Variants in FRMD4B observed in about 807,000 individuals in gnomAD.
FRMD4B encodes the protein FERM domain containing 4B.
In FRMD4B, 74 loss-of-function variants were observed where a neutral mutation model predicts 141.5. The observed-to-expected ratio is 0.52, with a 90% CI of 0.43 to 0.63. The LOEUF (loss-of-function observed/expected upper bound fraction) is 0.63, where lower values mean the gene tolerates loss of function less well. FRMD4B is among the 30% of genes least tolerant of loss of function. The pLI, the probability that FRMD4B is intolerant of heterozygous loss-of-function variation, is 0.00. For synonymous variants in FRMD4B, 506 were observed against 467.9 expected, an observed-to-expected ratio of 1.08 and a Z score of -1.05; for missense variants, 1,366 against 1,253.4, an observed-to-expected ratio of 1.09 and a Z score of -1.36.
chr3:69,314,029 C>G (rs539569454), intron 1 of FRMD4B, among the ~76,000 whole-genome samples: 1 of 144,720 alleles, frequency 6.9e-6, no homozygotes, highest in Non-Finnish European at 1.5e-5. Context: ...GTCCCAGCTA[C>G]TCGGGAGGCT....
chr3:69,351,885 A>T (rs1021306901), intron 1 of FRMD4B, among the ~76,000 whole-genome samples: 3 of 152,174 alleles, frequency 2.0e-5, no homozygotes, highest in African/African-American at 7.2e-5. Context: ...CCATGGCATA[A>T]ATATATCTAA....
intron 1 of FRMD4B, among the ~76,000 whole-genome samples, chr3:69,350,732 C>A: frequency 6.6e-6 from 1 of 151,122 alleles, no homozygotes; most frequent in East Asian, 2.0e-4. Context: ...GGACAAATAA[C>A]CAAACACTGC....
At chr3:69,442,568 TAA>T (rs1705358155) in intron 1 of FRMD4B, among the ~76,000 whole-genome samples, 1 of 151,946 alleles carries the variant, frequency 6.6e-6, no homozygotes, top group South Asian at 2.1e-4. Flanking sequence ...GAAATACTCA[TAA>T]GTGAGTATTT....
intron 1 of FRMD4B, among the ~76,000 whole-genome samples, chr3:69,347,696 C>A (rs1191060588): frequency 4.6e-5 from 7 of 152,188 alleles, no homozygotes; most frequent in Admixed American, 3.3e-4. Flanking sequence ...AACCGCTCAA[C>A]TATATGGAAA....
intron 1 of FRMD4B, among the ~76,000 whole-genome samples, chr3:69,338,630 A>C (rs1310231915): frequency 6.6e-6 from 1 of 152,200 alleles, no homozygotes; most frequent in Non-Finnish European, 1.5e-5. Context: ...GGAGCTAAAC[A>C]TTGAGTACAC....
chr3:69,411,277 C>CA (rs1246962409), intron 2 of FRMD4B, among the ~76,000 whole-genome samples: 1 of 152,174 alleles, frequency 6.6e-6, no homozygotes, highest in Admixed American at 6.5e-5. Context: ...TGTTGTTTCT[C>CA]AAAATTGAAG....
intron 5 of FRMD4B, among the ~76,000 whole-genome samples, chr3:69,266,252 C>T (rs1453563190): frequency 6.6e-6 from 1 of 151,834 alleles, no homozygotes; most frequent in Non-Finnish European, 1.5e-5. Flanking sequence ...CATAAGAACA[C>T]AGGATGTGAC....
At chr3:69,414,585 G>A (rs1704817387) in intron 2 of FRMD4B, among the ~76,000 whole-genome samples, 1 of 152,236 alleles carries the variant, frequency 6.6e-6, no homozygotes, top group Non-Finnish European at 1.5e-5. Flanking sequence ...AAAGTGCTGG[G>A]ATTAGGGTTG....
At chr3:69,337,185 G>C (rs1190807881) in intron 1 of FRMD4B, among the ~76,000 whole-genome samples, 1 of 152,042 alleles carries the variant, frequency 6.6e-6, no homozygotes, top group Non-Finnish European at 1.5e-5. Context: ...TGACAAACCT[G>C]ACAAAAACAA....
intron 19 of FRMD4B, among the ~76,000 whole-genome samples, chr3:69,184,666 C>T (rs1168803849): frequency 1.3e-5 from 2 of 152,174 alleles, no homozygotes; most frequent in African/African-American, 2.4e-5. Flanking sequence ...ACAATGATTC[C>T]CAGCTATAAT....
rs554415828 is a variant in FRMD4B at position 69,502,805 on chromosome 3, C to A, written c.-129+39401G>T. Among the ~76,000 whole-genome samples the A allele has an allele frequency of 2.1e-4, 32 of 152,030 alleles. No homozygotes were observed. In the East Asian group the frequency reaches 6.0e-3, roughly 28 times the overall value. On this transcript the variant is annotated intron_variant, in intron 1 of 5. Coordinates refer to the FRMD4B transcript ENST00000459638. ...ACTCATCTGACAAAGGGCTAATATC[C>A]AGAATCTACAAAGAACTCAAACAAA...
intron 5 of FRMD4B, among the ~76,000 whole-genome samples, chr3:69,287,197 T>C (rs1700716170): frequency 6.6e-6 from 1 of 152,236 alleles, no homozygotes; most frequent in Non-Finnish European, 1.5e-5. Flanking sequence ...ATAAAAGTGA[T>C]CTGTCCTTGA....
At chr3:69,375,139 C>T (rs1703933167) in intron 1 of FRMD4B, among the ~76,000 whole-genome samples, 1 of 150,196 alleles carries the variant, frequency 6.7e-6, no homozygotes, top group Non-Finnish European at 1.5e-5. Context: ...ATCCATCTAA[C>T]AATCCACCCA....
At chr3:69,325,118 A>AAAGAAAGAAAGAAAGG (rs1702151059) in intron 1 of FRMD4B, among the ~76,000 whole-genome samples, 1 of 151,858 alleles carries the variant, frequency 6.6e-6, no homozygotes, top group African/African-American at 2.4e-5. Flanking sequence ...AGAAAGAAAG[A>AAAGAAAGAAAGAAAGG]AAGAAAGAAA....
At chr3:69,497,011 C>G (rs1706413988) in intron 1 of FRMD4B, among the ~76,000 whole-genome samples, 1 of 151,904 alleles carries the variant, frequency 6.6e-6, no homozygotes, top group Non-Finnish European at 1.5e-5. Flanking sequence ...ACCTCTCGAA[C>G]CCACTGATGT....
chr3:69,354,350 A>G (rs1302047168), intron 1 of FRMD4B, among the ~76,000 whole-genome samples: 1 of 152,210 alleles, frequency 6.6e-6, no homozygotes, highest in Non-Finnish European at 1.5e-5. Context: ...ACTTTTTTTA[A>G]AAAAAGAGAA....
intron 1 of FRMD4B, among the ~76,000 whole-genome samples, chr3:69,437,927 T>G (rs1237121503): frequency 8.0e-5 from 11 of 137,598 alleles, no homozygotes; most frequent in African/African-American, 2.2e-4. Flanking sequence ...ATATTATATA[T>G]TATATATACT....
intron 1 of FRMD4B, among the ~76,000 whole-genome samples, chr3:69,503,053 A>G (rs9834968): frequency 0.017 from 2,566 of 152,240 alleles, 51 homozygotes; most frequent in African/African-American, 0.057. Context: ...TGGAGAGGAT[A>G]TGGAGAAATA....
chr3:69,261,241 G>A (rs1186630843), intron 5 of FRMD4B, among the ~76,000 whole-genome samples: 1 of 152,168 alleles, frequency 6.6e-6, no homozygotes, highest in African/African-American at 2.4e-5. Context: ...GAATCCACCA[G>A]AAGAAAGAAA....
Sources: gnomAD v4.1 joint callset for allele counts (sites outside exome capture counted in the v4.1 genomes callset) on GRCh38, gnomAD v4.1.1 for gene constraint, MANE v1.5 for transcripts, NCBI Gene and HGNC (gene_info 2026-07-23, HGNC 2026-07-21) for gene names.